The following RNF139 variants were observed in gnomAD, a reference collection of about 807,000 sequenced individuals.
RNF139 encodes the protein ring finger protein 139, also known as E3 ubiquitin-protein ligase RNF139.
Under a neutral mutation model 49.5 loss-of-function variants are expected in RNF139, and 15 were observed. The ratio of observed to expected loss-of-function variants is 0.30; its 90% CI spans 0.20 to 0.47. The LOEUF (loss-of-function observed/expected upper bound fraction) is 0.47, where lower values mean the gene tolerates loss of function less well. RNF139 is among the 20% of genes least tolerant of loss of function. The probability of loss-of-function intolerance (pLI) is 1.00; values close to 1 mark genes in which losing one functional copy is unlikely to be tolerated. For synonymous variants in RNF139, 325 were observed against 300.9 expected (o/e 1.08, Z -0.83); for missense variants, 619 against 806.3 (o/e 0.77, Z 2.81).
chr8:124,475,569 C>G (rs1816300864), intron 1 of RNF139, among the ~76,000 whole-genome samples: 2 of 152,214 alleles, frequency 1.3e-5, no homozygotes, highest in African/African-American at 4.8e-5. Flanking sequence ...TGCCCGTTTG[C>G]CTTGGGAAAT....
rs1415109829 is a variant in RNF139, at chr8:124,487,461, C to T, written c.1812C>T (p.Asn604=). ...AGGATAATTCAAATGTATCTAACAA[C>T]AATGGATTTATTCCACCCAATGAAA... ...DIKDNSNVSN[N]NGFIPPNETP... The change falls in exon 2 of 2, where the codon AAC becomes AAT. Residue 604 remains asparagine, a synonymous_variant. Transcript: ENST00000303545. The T allele has an allele frequency of 1.2e-6, 2 of 1,613,986 alleles. No homozygotes were observed. Among genetic ancestry groups the T allele is most frequent in the Non-Finnish European group, 1.7e-6 (2 of 1,179,932 alleles).
At position 124,480,571 on chromosome 8, in the gene RNF139, G is replaced by A. The variant is rs370600037; in HGVS notation, c.182-5260G>A. On this transcript the variant is annotated intron_variant, in intron 1 of 1. Transcript: ENST00000303545. ...AAAGAAGGAGAGAAGAGGAGAAGGG[G>A]CGTGGAGCTTCAGTGTTCAGCTATC... Among the ~76,000 whole-genome samples the A allele has an allele frequency of 1.1e-3, 171 of 152,042 alleles. 1 individual carries two copies. The highest frequency in any genetic ancestry group is 4.0e-3 in the African/African-American group (164 of 41,502).
At chr8:124,481,465 A>C (rs1333857712) in intron 1 of RNF139, among the ~76,000 whole-genome samples, 1 of 151,820 alleles carries the variant, frequency 6.6e-6, no homozygotes, top group Non-Finnish European at 1.5e-5. Flanking sequence ...CATGTATAGT[A>C]AGTTTTTATT....
chr8:124,487,488 T>G lies in RNF139; in HGVS notation c.1839T>G (p.Thr613=). ...NNNGFIPPNE[T]PEEAVREAAA... ...ATGGATTTATTCCACCCAATGAAAC[T>G]CCAGAGGAAGCTGTAAGAGAAGCTG... The change falls in exon 2 of 2, where the codon ACT becomes ACG. Residue 613 remains threonine (T), a synonymous_variant. Coordinates refer to ENST00000303545, the MANE Select transcript of RNF139 (RefSeq NM_007218.4). 6.2e-7 allele frequency: 1 copy of G among 1,613,948 alleles called. No individual in the cohort carries two copies. Among genetic ancestry groups the G allele is most frequent in the Non-Finnish European group, 8.5e-7 (1 of 1,179,978 alleles).
chr8:124,485,781 A>G (rs891614345), intron 1 of RNF139, 50 bp from the exon 2 acceptor site: 2 of 1,424,748 alleles, frequency 1.4e-6, no homozygotes, highest in African/African-American at 2.9e-5. Context: ...TAGTGGGGAA[A>G]CATTCTTACA....
Position 124,481,333 on chromosome 8 carries a change from G to A in RNF139, c.182-4498G>A, listed in dbSNP as rs147248831. On this transcript the variant is annotated intron_variant, in intron 1 of 1. Transcript: ENST00000303545. ...TTGCTTTTTGTTTTAGAGGTATTTC[G>A]GGTACTTGGAGAATTGTAAATATTA... 2.4e-3 allele frequency among the ~76,000 whole-genome samples: 371 copies of A among 152,058 alleles called. 1 individual carries two copies. Among genetic ancestry groups the A allele is most frequent in the African/African-American group, 8.5e-3 (353 of 41,468 alleles).
chr8:124,475,589 C>G (rs1304242774), intron 1 of RNF139, among the ~76,000 whole-genome samples: 4 of 152,336 alleles, frequency 2.6e-5, no homozygotes, highest in Non-Finnish European at 5.9e-5. Flanking sequence ...TGAGTACTGG[C>G]TTACCGCGTC....
chr8:124,485,049 C>A (rs1051587906), intron 1 of RNF139, among the ~76,000 whole-genome samples: 1 of 152,056 alleles, frequency 6.6e-6, no homozygotes, highest in Non-Finnish European at 1.5e-5. Flanking sequence ...AACTTGATTT[C>A]CTAAAGAATC....
chr8:124,480,124 C>T (rs192587536), intron 1 of RNF139, among the ~76,000 whole-genome samples: 37 of 149,334 alleles, frequency 2.5e-4, no homozygotes, highest in Admixed American at 2.3e-3. Flanking sequence ...GGTGACAGAG[C>T]AAGACCCTGT....
Position 124,488,542 on chromosome 8 carries a change from GT to G in RNF139, c.*902del, listed in dbSNP as rs917592068. The G allele has an allele frequency of 1.5e-5, 14 of 955,890 alleles. No homozygotes were observed. Among genetic ancestry groups the G allele is most frequent in the Non-Finnish European group, 3.3e-6 (2 of 613,092 alleles). The allele number at this position is 955,890 out of a possible 1,614,324, so 59.2% of individuals were successfully genotyped here. On this transcript the variant is annotated 3_prime_UTR_variant, in exon 2 of 2. Transcript: ENST00000303545. The stretch of plus-strand genomic sequence containing the variant: ...ATTTCTTTATTGAAACTATCAGGAA[GT>G]TTTACTATGAAATTTTACATACATG...
chr8:124,480,404 TAAAAAAAA>T (rs34661621), intron 1 of RNF139, among the ~76,000 whole-genome samples: 1 of 89,078 alleles, frequency 1.1e-5, no homozygotes, highest in African/African-American at 4.0e-5. Flanking sequence ...ACTCCATCAC[TAAAAAAAA>T]AAAAAAAAAA....
rs1468877980 is a variant in RNF139 at position 124,486,339 on chromosome 8, G to A, written c.690G>A (p.Lys230=). The A allele has an allele frequency of 3.1e-6, 5 of 1,614,036 alleles. No homozygotes were observed. The highest frequency in any genetic ancestry group is 1.6e-4 in the Middle Eastern group (1 of 6,084). The change falls in exon 2 of 2, where the codon AAG becomes AAA. Residue 230 remains lysine (K), a synonymous_variant. Transcript: ENST00000303545. ...GLQLLMEDTW[K]RIRFPDILRV... is the part of the protein sequence containing the mutation. ...AGTTATTGATGGAGGACACATGGAA[G>A]AGGATTCGTTTCCCAGACATACTAC...
rs764556786 is a variant in RNF139 at position 124,487,696 on chromosome 8, C to T, written c.*52C>T. On this transcript the variant is annotated 3_prime_UTR_variant, in exon 2 of 2. Coordinates refer to ENST00000303545, the MANE Select transcript of RNF139 (RefSeq NM_007218.4). ...GGTATTTGTTTAAAATTCAGTTCAT[C>T]CAAAATGGAGTAATATCCTTCACCT... 2 of 1,519,356 alleles carry T rather than the reference C, an allele frequency of 1.3e-6. No homozygotes were observed. Among genetic ancestry groups the T allele is most frequent in the South Asian group, 2.6e-5 (2 of 77,078 alleles). 94.1% of individuals were successfully genotyped at this position (1,519,356 alleles called of 1,614,324 possible).
At chr8:124,477,232 A>G (rs1190478855) in intron 1 of RNF139, among the ~76,000 whole-genome samples, 2 of 152,202 alleles carry the variant, frequency 1.3e-5, no homozygotes, top group Non-Finnish European at 2.9e-5. Context: ...CTTCAAATCT[A>G]TCATCCGACT....
chr8:124,485,815 T>G lies in RNF139; in HGVS notation c.182-16T>G. 6.4e-7 allele frequency: 1 copy of G among 1,553,502 alleles called. No individual in the cohort carries two copies. Reference sequence around the variant, plus strand: ...CAAATACTTCATTCAAATGACTTTTTCTTTCTTTCTTTTAGGTGTATTTGC... The same window carrying G: ...CAAATACTTCATTCAAATGACTTTTGCTTTCTTTCTTTTAGGTGTATTTGC... On this transcript the variant is annotated splice_polypyrimidine_tract_variant and intron_variant, in intron 1 of 1. Coordinates refer to ENST00000303545, the MANE Select transcript of RNF139 (RefSeq NM_007218.4).
At chr8:124,475,358 C>T (rs1032275047) in intron 1 of RNF139, 68 bp downstream of exon 1, 1 of 1,509,976 alleles carries the variant, frequency 6.6e-7, no homozygotes, top group Admixed American at 1.8e-5. Flanking sequence ...GGGGAGCGGG[C>T]AGGCGCGCAG....
chr8:124,484,563 A>T (rs754008043), intron 1 of RNF139, among the ~76,000 whole-genome samples: 1 of 152,162 alleles, frequency 6.6e-6, no homozygotes, highest in Non-Finnish European at 1.5e-5. Context: ...TCACAAGGAA[A>T]AGCTGATTCT....
In RNF139 at chr8:124,486,822, T is replaced by C. The variant is rs1310217422; in HGVS notation, c.1173T>C (p.Pro391=). 7 of 1,613,962 alleles carry C rather than the reference T, an allele frequency of 4.3e-6. No homozygotes were observed. Among genetic ancestry groups the C allele is most frequent in the Non-Finnish European group, 5.9e-6 (7 of 1,180,004 alleles). Residue 391 remains proline (P), a synonymous_variant, in exon 2 of 2, where the codon CCT becomes CCC. Coordinates refer to ENST00000303545, the MANE Select transcript of RNF139 (RefSeq NM_007218.4). ...SHVSSFRRHF[P]VLFVSACLFI... ...TGTCATCTTTTCGTAGACATTTTCCTGTGCTGTTTGTCTCTGCTTGCCTGT... is the reference window on the plus strand; with the variant it reads ...TGTCATCTTTTCGTAGACATTTTCCCGTGCTGTTTGTCTCTGCTTGCCTGT...
In RNF139 at chr8:124,475,087, G is replaced by C. The variant is rs779232456; in HGVS notation, c.-23G>C. The C allele has an allele frequency of 1.4e-5, 21 of 1,515,588 alleles. No individual in the cohort carries two copies. Among genetic ancestry groups the C allele is most frequent in the Admixed American group, 1.3e-4 (6 of 47,914 alleles). The allele number at this position is 1,515,588 out of a possible 1,614,324, so 93.9% of individuals were successfully genotyped here. On this transcript the variant is annotated 5_prime_UTR_variant, in exon 1 of 2. Transcript: ENST00000303545. ...CCCGCGCGGCCCTGCCCGGCCCACC[G>C]AGCCCTGGTGTGGCAGCGGCTCATG...
Sources: gnomAD v4.1 joint callset for allele counts (sites outside exome capture counted in the v4.1 genomes callset) on GRCh38, gnomAD v4.1.1 for gene constraint, MANE v1.5 for transcripts, NCBI Gene and HGNC (gene_info 2026-07-23, HGNC 2026-07-21) for gene names.